CHRM2: variants seen among roughly 807,000 people sequenced by gnomAD.
CHRM2 encodes the protein muscarinic acetylcholine receptor M2.
CHRM2 carries 8 observed loss-of-function variants against 25.0 expected under a neutral mutation model. That is an observed-to-expected ratio of 0.32 (90% CI 0.19 to 0.58). The LOEUF (loss-of-function observed/expected upper bound fraction) is 0.58. Among genes scored for constraint, CHRM2 ranks in the 20% least tolerant of loss-of-function variants. CHRM2 has a pLI of 0.88. For synonymous variants in CHRM2, 202 were observed against 205.7 expected, an observed-to-expected ratio of 0.98 and a Z score of 0.15; for missense variants, 440 against 567.1, an observed-to-expected ratio of 0.78 and a Z score of 2.28.
chr7:136,888,654 G>T (rs959539433), intron 2 of CHRM2, among the ~76,000 whole-genome samples: 1 of 151,978 alleles, frequency 6.6e-6, no homozygotes, highest in African/African-American at 2.4e-5. Context: ...TTAACATGGA[G>T]GATGATCTAT....
At position 137,019,250 on chromosome 7, in the gene CHRM2, T is replaced by C. The variant is rs1481614398; in HGVS notation, c.*2984T>C. 1.3e-5 allele frequency: 2 copies of C among 151,882 alleles called. No individual in the cohort carries two copies. Among genetic ancestry groups the C allele is most frequent in the Non-Finnish European group, 2.9e-5 (2 of 67,892 alleles). The allele number at this position is 151,882 out of a possible 1,614,324, so 9.4% of individuals were successfully genotyped here. A position where few individuals can be genotyped will look rare whatever the true frequency, so the allele number is the denominator to read the frequency against. On this transcript the variant is annotated 3_prime_UTR_variant, in exon 4 of 4. Transcript: ENST00000680005. ...AGAAAAAGGTAATACTCACCAACCA[T>C]GTATCAGAAAAACTTTTCTCCTGAG...
chr7:136,920,441 G>A (rs1371140940), intron 2 of CHRM2, among the ~76,000 whole-genome samples: 2 of 152,122 alleles, frequency 1.3e-5, no homozygotes, highest in Non-Finnish European at 2.9e-5. Context: ...CATCAGTGAT[G>A]AGTGGAGCTC....
chr7:137,010,158 A>T (rs1804708062), intron 3 of CHRM2, among the ~76,000 whole-genome samples: 1 of 152,118 alleles, frequency 6.6e-6, no homozygotes, highest in African/African-American at 2.4e-5. Flanking sequence ...ACGAAATTTA[A>T]ATGACATGCT....
intron 2 of CHRM2, among the ~76,000 whole-genome samples, chr7:136,889,418 G>A (rs1016417185): frequency 1.3e-5 from 2 of 152,086 alleles, no homozygotes; most frequent in Non-Finnish European, 2.9e-5. Flanking sequence ...CTACAATCTG[G>A]GTGAGGTGGG....
In CHRM2 at chr7:137,015,631, G is replaced by C; in HGVS notation, c.766G>C (p.Glu256Gln). 6.2e-7 allele frequency: 1 copy of C among 1,612,898 alleles called. No homozygotes were observed. Among genetic ancestry groups the C allele is most frequent in the Non-Finnish European group, 8.5e-7 (1 of 1,179,498 alleles). Residue 256 changes from glutamate to glutamine, a missense_variant, in exon 4 of 4, where the codon GAG becomes CAG. By Grantham distance (29) the Glu-to-Gln change is conservative. Coordinates refer to ENST00000680005, the MANE Select transcript of CHRM2 (RefSeq NM_001006630.2). This position sits in a 1 kb window ranked among gnomAD's most constrained non-coding sequence, Gnocchi z 5.1. ...CATGCCCAGCAGTGACGATGGCCTG[G>C]AGCACAACAAAATCCAGAATGGCAA... ...NNMPSSDDGL[E>Q]HNKIQNGKAP... is the part of the protein sequence containing the mutation.
At chr7:136,872,905 G>C (rs1046094504) in intron 2 of CHRM2, among the ~76,000 whole-genome samples, 1 of 152,122 alleles carries the variant, frequency 6.6e-6, no homozygotes, top group Admixed American at 6.6e-5. Flanking sequence ...GCATGTGAGC[G>C]AACCCTTTCT....
chr7:136,916,176 T>C (rs1235189360), intron 2 of CHRM2, among the ~76,000 whole-genome samples: 1 of 151,880 alleles, frequency 6.6e-6, no homozygotes, highest in Non-Finnish European at 1.5e-5. Context: ...AGAACTCTTA[T>C]TATTGGGAGT....
intron 2 of CHRM2, chr7:136,908,097 A>T (rs1797652899): frequency 6.6e-6 from 1 of 151,980 alleles, no homozygotes; most frequent in South Asian, 2.1e-4. Context: ...AATAAAAATC[A>T]TACCCATTAC....
chr7:136,906,760 A>G (rs1026104632), intron 2 of CHRM2: 5 of 151,768 alleles, frequency 3.3e-5, no homozygotes, highest in Non-Finnish European at 7.4e-5. Context: ...CTTTTTGGCC[A>G]CCAGAGACCA....
intron 2 of CHRM2, among the ~76,000 whole-genome samples, chr7:136,885,607 C>A (rs987070769): frequency 2.6e-5 from 4 of 152,154 alleles, no homozygotes; most frequent in African/African-American, 9.7e-5. Flanking sequence ...TTTATTTCTG[C>A]AGACTTAGTT....
chr7:136,942,066 C>T (rs1799804430), intron 2 of CHRM2, among the ~76,000 whole-genome samples: 1 of 152,104 alleles, frequency 6.6e-6, no homozygotes, highest in Non-Finnish European at 1.5e-5. Context: ...ACAGCCACAC[C>T]TCAAGAGGAA....
chr7:136,923,029 T>C (rs1338504863), intron 2 of CHRM2, among the ~76,000 whole-genome samples: 1 of 152,220 alleles, frequency 6.6e-6, no homozygotes, highest in Admixed American at 6.5e-5. Flanking sequence ...ACATGTTAAA[T>C]GCTTAGCAAA....
intron 2 of CHRM2, among the ~76,000 whole-genome samples, chr7:136,958,448 C>A: frequency 1.1e-5 from 1 of 91,146 alleles, no homozygotes; most frequent in African/African-American, 4.4e-5. Context: ...GCAGTGTCAT[C>A]TTTTTTTTTT....
chr7:137,003,500 A>T (rs867904270), intron 3 of CHRM2, among the ~76,000 whole-genome samples: 40,023 of 141,724 alleles, frequency 0.28, 6,108 homozygotes, highest in Middle Eastern at 0.41. Flanking sequence ...ACACACACAC[A>T]CACACACACA....
At chr7:136,919,203 T>A (rs1382168688) in intron 2 of CHRM2, among the ~76,000 whole-genome samples, 1 of 152,130 alleles carries the variant, frequency 6.6e-6, no homozygotes, top group Non-Finnish European at 1.5e-5. Flanking sequence ...GAAATGACAT[T>A]CACAGTATAG....
chr7:136,938,899 C>A (rs1399194109), intron 2 of CHRM2, among the ~76,000 whole-genome samples: 17 of 67,116 alleles, frequency 2.5e-4, no homozygotes, highest in African/African-American at 8.9e-4. Context: ...CAAAATAAAA[C>A]TTCAGCTAGC....
intron 2 of CHRM2, among the ~76,000 whole-genome samples, chr7:136,944,027 C>T (rs1021419564): frequency 6.6e-6 from 1 of 152,114 alleles, no homozygotes; most frequent in African/African-American, 2.4e-5. Flanking sequence ...TGAATGTGTA[C>T]TTATTGACCA....
intron 2 of CHRM2, among the ~76,000 whole-genome samples, chr7:136,889,474 T>C (rs1463652266): frequency 2.0e-5 from 3 of 152,180 alleles, no homozygotes; most frequent in Admixed American, 6.5e-5. Context: ...TTTAAGGGTT[T>C]CCCAATCTTA....
In CHRM2 at chr7:136,943,305, C is replaced by A. The variant is rs553591382; in HGVS notation, c.-124-48882C>A. ...CTCCTGTGCTCTTTTTATTCTGTGC[C>A]TTTAACTATTTCTGATATTGTATGG... On this transcript the variant is annotated intron_variant, in intron 2 of 3. Coordinates refer to ENST00000680005, the MANE Select transcript of CHRM2 (RefSeq NM_001006630.2). 2.1e-4 allele frequency among the ~76,000 whole-genome samples: 32 copies of A among 152,208 alleles called. No individual in the cohort carries two copies. The South Asian group carries it at 6.6e-3, about 32-fold the overall frequency.
Sources: allele counts gnomAD v4.1 joint callset (sites outside exome capture counted in the v4.1 genomes callset), GRCh38; gene constraint gnomAD v4.1.1; non-coding constraint Gnocchi (gnomAD v3.1); transcripts MANE v1.5; gene names NCBI Gene and HGNC (gene_info 2026-07-23, HGNC 2026-07-21).